The following ARHGAP24 variants were observed in gnomAD, a reference collection of about 807,000 sequenced individuals.
ARHGAP24 encodes the protein rho GTPase-activating protein 24.
ARHGAP24 carries 50 observed loss-of-function variants against 76.4 expected under a neutral mutation model. That is an observed-to-expected ratio of 0.65 (90% CI 0.52 to 0.83). The LOEUF (loss-of-function observed/expected upper bound fraction) is 0.83. Ranked by LOEUF, ARHGAP24 falls within the 40% of genes least tolerant of loss-of-function variation. The pLI is 0.00. For missense variants in ARHGAP24, 930 were observed against 914.2 expected, an observed-to-expected ratio of 1.02 and a Z score of -0.22; for synonymous variants, 345 against 323.3, an observed-to-expected ratio of 1.07 and a Z score of -0.72.
chr4:85,755,975 T>A (rs1032202520), intron 3 of ARHGAP24, among the ~76,000 whole-genome samples: 22 of 152,258 alleles, frequency 1.4e-4, no homozygotes, highest in African/African-American at 5.1e-4. Context: ...ATTGGTAACA[T>A]CAGGCTATTG....
chr4:85,940,651 T>C (rs1377472512), intron 4 of ARHGAP24, among the ~76,000 whole-genome samples: 1 of 152,176 alleles, frequency 6.6e-6, no homozygotes, highest in Non-Finnish European at 1.5e-5. Context: ...TGTTCTAAAA[T>C]CTACAAACCA....
chr4:85,755,257 C>T (rs1349280983), intron 3 of ARHGAP24, among the ~76,000 whole-genome samples: 1 of 152,054 alleles, frequency 6.6e-6, no homozygotes, highest in Non-Finnish European at 1.5e-5. Context: ...GGACAATTCT[C>T]CCTTCATGCT....
At chr4:85,634,102 TA>T (rs1195528225) in intron 2 of ARHGAP24, among the ~76,000 whole-genome samples, 2 of 151,872 alleles carry the variant, frequency 1.3e-5, no homozygotes, top group African/African-American at 4.8e-5. Flanking sequence ...AACTGAAGGA[TA>T]AAAAATCTCA....
chr4:85,506,460 C>T (rs1724051772), intron 1 of ARHGAP24, among the ~76,000 whole-genome samples: 1 of 152,204 alleles, frequency 6.6e-6, no homozygotes, highest in African/African-American at 2.4e-5. Flanking sequence ...GGCGGACGCC[C>T]CTCCCCCAGC....
Position 85,570,719 on chromosome 4 carries a change from T to G in ARHGAP24, c.178T>G (p.Leu60Val), listed in dbSNP as rs777466544. ...CAAAGATGAAGATGAAACCAAGCCC[T>G]TGGTGAGTAGGAGAAAATGTAAAGC... ...YFKDEDETKP[L>V]GTIFLPGNKV... Residue 60 changes from leucine (L) to valine (V), a missense_variant and splice_region_variant, in exon 2 of 10, where the codon TTG becomes GTG. Leu to Val is a conservative substitution (Grantham distance 32). Coordinates refer to ENST00000395184, the MANE Select transcript of ARHGAP24 (RefSeq NM_001025616.3). 1.9e-6 allele frequency: 3 copies of G among 1,613,976 alleles called. No individual in the cohort carries two copies. The highest frequency in any genetic ancestry group is 2.5e-6 in the Non-Finnish European group (3 of 1,179,952).
rs756903905 is a variant in ARHGAP24 at position 85,994,550 on chromosome 4, A to G, written c.929-33A>G. 3.1e-6 allele frequency: 5 copies of G among 1,594,142 alleles called. No individual in the cohort carries two copies. In the African/African-American group the frequency reaches 5.4e-5, roughly 17 times the overall value. ...AATAGAAATAAATAAAAACTGTCTC[A>G]CTCATGCTACTTTATGTTCTATGCA... On this transcript the variant is annotated intron_variant, in intron 8 of 9. Transcript: ENST00000395184.
chr4:85,917,047 T>A (rs1206221489), intron 3 of ARHGAP24, among the ~76,000 whole-genome samples: 1 of 152,130 alleles, frequency 6.6e-6, no homozygotes, highest in Admixed American at 6.6e-5. Flanking sequence ...TACCTCCTAA[T>A]GCTATCCTTC....
intron 3 of ARHGAP24, among the ~76,000 whole-genome samples, chr4:85,838,484 A>G (rs1730414818): frequency 6.6e-6 from 1 of 152,164 alleles, no homozygotes; most frequent in Non-Finnish European, 1.5e-5. Context: ...CTGTAGTCCC[A>G]GCTACTTGGG....
At chr4:85,905,030 G>C (rs1341558895) in intron 3 of ARHGAP24, among the ~76,000 whole-genome samples, 1 of 152,072 alleles carries the variant, frequency 6.6e-6, no homozygotes, top group African/African-American at 2.4e-5. Flanking sequence ...TTTCAAGATT[G>C]GTTACTTGGT....
At chr4:85,610,761 G>A (rs982611005) in intron 2 of ARHGAP24, among the ~76,000 whole-genome samples, 2 of 152,134 alleles carry the variant, frequency 1.3e-5, no homozygotes, top group African/African-American at 2.4e-5. Context: ...TTCACCAATA[G>A]CCTTTTACTG....
intron 2 of ARHGAP24, among the ~76,000 whole-genome samples, chr4:85,707,496 T>C (rs1414699788): frequency 6.6e-6 from 1 of 152,206 alleles, no homozygotes; most frequent in African/African-American, 2.4e-5. Context: ...TTGGTGGTTA[T>C]AATAATCATA....
intron 2 of ARHGAP24, among the ~76,000 whole-genome samples, chr4:85,605,965 G>A (rs1056134472): frequency 6.6e-6 from 1 of 152,132 alleles, no homozygotes; most frequent in Non-Finnish European, 1.5e-5. Context: ...TATGGTAGCT[G>A]ACCTTTTCTG....
chr4:85,842,795 G>GGGAGCTCATGTTTATT (rs1360533124), intron 3 of ARHGAP24, among the ~76,000 whole-genome samples: 4 of 152,296 alleles, frequency 2.6e-5, no homozygotes, highest in Non-Finnish European at 5.9e-5. Flanking sequence ...GGAAGAGGAA[G>GGGAGCTCATGTTTATT]GGAGCTCATG....
At chr4:85,779,109 T>A in intron 3 of ARHGAP24, 2 of 583,930 alleles carry the variant, frequency 3.4e-6, no homozygotes, top group Non-Finnish European at 4.3e-6. Context: ...TTTTTAACTG[T>A]ATTATTTTCT....
chr4:85,578,855 G>A (rs1156751882), intron 2 of ARHGAP24, among the ~76,000 whole-genome samples: 1 of 152,090 alleles, frequency 6.6e-6, no homozygotes, highest in Non-Finnish European at 1.5e-5. Flanking sequence ...GTATAATGAA[G>A]GGAATAATAG....
intron 3 of ARHGAP24, among the ~76,000 whole-genome samples, chr4:85,916,406 GAGTTCA>G (rs1159821400): frequency 6.6e-6 from 1 of 151,980 alleles, no homozygotes; most frequent in East Asian, 1.9e-4. Context: ...GTCCAGAGCT[GAGTTCA>G]AGTTCTGAAT....
intron 1 of ARHGAP24, among the ~76,000 whole-genome samples, chr4:85,538,715 T>G (rs1170425542): frequency 1.3e-5 from 2 of 152,244 alleles, no homozygotes; most frequent in African/African-American, 4.8e-5. Flanking sequence ...TTTGAGGGTA[T>G]AGTTACCATG....
At chr4:85,855,045 G>A (rs191629846) in intron 3 of ARHGAP24, among the ~76,000 whole-genome samples, 11 of 152,250 alleles carry the variant, frequency 7.2e-5, no homozygotes, top group Admixed American at 6.5e-4. Context: ...GCAATTTCAC[G>A]CTACCATCAT....
At chr4:85,481,772 G>A (rs374655976) in intron 1 of ARHGAP24, among the ~76,000 whole-genome samples, 46 of 152,292 alleles carry the variant, frequency 3.0e-4, no homozygotes, top group African/African-American at 9.4e-4. Flanking sequence ...TAAGAATAGA[G>A]CCCCAGCTTG....
Sources: allele counts gnomAD v4.1 joint callset (sites outside exome capture counted in the v4.1 genomes callset), GRCh38; gene constraint gnomAD v4.1.1; transcripts MANE v1.5; gene names NCBI Gene and HGNC (gene_info 2026-07-23, HGNC 2026-07-21).